The following VPS13B variants were observed in gnomAD, a reference collection of about 807,000 sequenced individuals.
VPS13B encodes the protein vacuolar protein sorting 13 homolog B.
Under a neutral mutation model 426.4 loss-of-function variants are expected in VPS13B, and 285 were observed. The ratio of observed to expected loss-of-function variants is 0.67; its 90% CI spans 0.61 to 0.74. The LOEUF is 0.74. Ranked by LOEUF, VPS13B falls within the 30% of genes least tolerant of loss-of-function variation. VPS13B has a pLI of 0.00. For synonymous variants in VPS13B, 1,676 were observed against 1,676.4 expected (o/e 1.00, Z 0.01); for missense variants, 4,537 against 4,782.6 (o/e 0.95, Z 1.51).
chr8:99,372,860 C>T (rs1411288164), intron 19 of VPS13B, among the ~76,000 whole-genome samples: 3 of 152,190 alleles, frequency 2.0e-5, no homozygotes, highest in Non-Finnish European at 2.9e-5. Flanking sequence ...AAGACACATG[C>T]ACACATATGT....
At chr8:99,288,694 T>G (rs536104805) in intron 19 of VPS13B, among the ~76,000 whole-genome samples, 5 of 152,230 alleles carry the variant, frequency 3.3e-5, no homozygotes, top group African/African-American at 1.2e-4. Flanking sequence ...TTTATTTTTC[T>G]GATAATTGTT....
intron 3 of VPS13B, among the ~76,000 whole-genome samples, chr8:99,044,359 A>G (rs932903641): frequency 1.3e-5 from 2 of 151,756 alleles, no homozygotes; most frequent in African/African-American, 4.8e-5. Context: ...CTGAGATTAC[A>G]GGCTTGAGCC....
intron 34 of VPS13B, among the ~76,000 whole-genome samples, chr8:99,646,520 G>A (rs1829583721): frequency 6.6e-6 from 1 of 152,124 alleles, no homozygotes; most frequent in Admixed American, 6.5e-5. Flanking sequence ...TTGAGACCCT[G>A]TCTCAAACAC....
intron 39 of VPS13B, among the ~76,000 whole-genome samples, chr8:99,756,887 A>G (rs1810667244): frequency 6.6e-6 from 1 of 152,254 alleles, no homozygotes; most frequent in Non-Finnish European, 1.5e-5. Flanking sequence ...ATTAAAGAGC[A>G]TAGGATTTAC....
chr8:99,309,862 C>T (rs1184444554), intron 19 of VPS13B, among the ~76,000 whole-genome samples: 1 of 152,056 alleles, frequency 6.6e-6, no homozygotes, highest in Non-Finnish European at 1.5e-5. Flanking sequence ...TTTTGTTGAG[C>T]AGTGGTTTGT....
intron 25 of VPS13B, among the ~76,000 whole-genome samples, chr8:99,486,654 G>C (rs1296761937): frequency 6.6e-6 from 1 of 152,132 alleles, no homozygotes; most frequent in Non-Finnish European, 1.5e-5. Context: ...TTTGCCTCCA[G>C]GCTTTATGCA....
chr8:99,867,994 A>C, intron 58 of VPS13B: 1 of 381,320 alleles, frequency 2.6e-6, no homozygotes, highest in South Asian at 2.2e-5. Flanking sequence ...TTCTGAGGAA[A>C]GATGTATGGA....
chr8:99,763,246 C>T (rs1423186496), intron 39 of VPS13B, among the ~76,000 whole-genome samples: 1 of 147,586 alleles, frequency 6.8e-6, no homozygotes, highest in East Asian at 2.0e-4. Context: ...AAAGTTCATA[C>T]TTTCAACTTC....
rs1196068147 is a variant in VPS13B, at chr8:99,336,175, A to C, written c.2825-48033A>C. Among the ~76,000 whole-genome samples the C allele has an allele frequency of 4.8e-4, 73 of 152,156 alleles. 2 individuals are homozygous for C. The highest frequency in any genetic ancestry group is 4.7e-3 in the Admixed American group (71 of 15,258). On this transcript the variant is annotated intron_variant, in intron 19 of 61. Coordinates refer to ENST00000357162, the MANE Select transcript of VPS13B (RefSeq NM_152564.5). ...TGGTACCAAAACAGAGATATAGATCAATGGAACAGAACAGAGCCCTCAGAA... is the reference window on the plus strand; with the variant it reads ...TGGTACCAAAACAGAGATATAGATCCATGGAACAGAACAGAGCCCTCAGAA...
chr8:99,722,276 C>G (rs1192165538), intron 39 of VPS13B, among the ~76,000 whole-genome samples: 1 of 152,124 alleles, frequency 6.6e-6, no homozygotes, highest in Non-Finnish European at 1.5e-5. Context: ...CCTTGTTTTG[C>G]TTTCTTATAG....
intron 9 of VPS13B, 78 bp downstream of exon 9, chr8:99,134,805 G>A: frequency 7.8e-7 from 1 of 1,279,146 alleles, no homozygotes; most frequent in East Asian, 2.6e-5. Flanking sequence ...TTTATCAGAT[G>A]TAGTGTATTT....
At chr8:99,054,821 G>A (rs1020368003) in intron 3 of VPS13B, among the ~76,000 whole-genome samples, 1 of 152,108 alleles carries the variant, frequency 6.6e-6, no homozygotes, top group Non-Finnish European at 1.5e-5. Flanking sequence ...AGCACTATTT[G>A]TTGAAGAGTC....
chr8:99,034,459 T>C (rs1008725013), intron 2 of VPS13B, among the ~76,000 whole-genome samples: 3 of 151,974 alleles, frequency 2.0e-5, no homozygotes, highest in Non-Finnish European at 4.4e-5. Context: ...GCCTCATGGT[T>C]AACTCGAAAT....
At chr8:99,836,050 G>C (rs980727205) in intron 54 of VPS13B, among the ~76,000 whole-genome samples, 1 of 152,150 alleles carries the variant, frequency 6.6e-6, no homozygotes, top group Non-Finnish European at 1.5e-5. Flanking sequence ...TAGTTCAGCT[G>C]TACAGATTTT....
intron 19 of VPS13B, among the ~76,000 whole-genome samples, chr8:99,368,966 G>A (rs1377037585): frequency 1.3e-5 from 2 of 152,176 alleles, no homozygotes; most frequent in Non-Finnish European, 2.9e-5. Context: ...GCACAAGGTG[G>A]TGTCTATTTC....
chr8:99,387,757 A>G (rs1285412510), intron 20 of VPS13B, among the ~76,000 whole-genome samples: 1 of 152,188 alleles, frequency 6.6e-6, no homozygotes, highest in Non-Finnish European at 1.5e-5. Flanking sequence ...GTTAGGTGAA[A>G]AAAAAATGCC....
chr8:99,475,851 A>G (rs943185298), intron 24 of VPS13B, among the ~76,000 whole-genome samples: 1 of 152,168 alleles, frequency 6.6e-6, no homozygotes, highest in Admixed American at 6.5e-5. Context: ...GAATTACTCC[A>G]AGGATGAATG....
chr8:99,864,754 C>G (rs768560683), intron 58 of VPS13B, among the ~76,000 whole-genome samples: 1 of 152,130 alleles, frequency 6.6e-6, no homozygotes, highest in Non-Finnish European at 1.5e-5. Context: ...AACTTCATAA[C>G]CCTTCATAGC....
At chr8:99,147,352 T>C (rs1452219031) in intron 13 of VPS13B, among the ~76,000 whole-genome samples, 1 of 152,158 alleles carries the variant, frequency 6.6e-6, no homozygotes, top group Non-Finnish European at 1.5e-5. Context: ...CCTCAGATGA[T>C]CTACCTGCCT....
Sources: gnomAD v4.1 joint callset for allele counts (sites outside exome capture counted in the v4.1 genomes callset) on GRCh38, gnomAD v4.1.1 for gene constraint, MANE v1.5 for transcripts, NCBI Gene and HGNC (gene_info 2026-07-23, HGNC 2026-07-21) for gene names.